LAMA4: variants seen among roughly 807,000 people sequenced by gnomAD.
LAMA4 encodes laminin subunit alpha 4, also known as laminin subunit alpha-4.
Under a neutral mutation model 207.1 loss-of-function variants are expected in LAMA4, and 127 were observed. That is an observed-to-expected ratio of 0.61 (90% CI 0.53 to 0.71). The LOEUF (loss-of-function observed/expected upper bound fraction) is 0.71, where lower values mean the gene tolerates loss of function less well. Ranked by LOEUF, LAMA4 falls within the 30% of genes least tolerant of loss-of-function variation. The probability of loss-of-function intolerance (pLI) is 0.00; values close to 1 mark genes in which losing one functional copy is unlikely to be tolerated. For missense variants in LAMA4, 2,093 were observed against 2,246.5 expected (o/e 0.93, Z 1.38); for synonymous variants, 761 against 816.0 (o/e 0.93, Z 1.15).
rs782688673 is a variant in LAMA4 at position 112,148,348 on chromosome 6, G to C, written c.2174-12C>G. The C allele has an allele frequency of 1.9e-6, 3 of 1,613,874 alleles. No individual in the cohort carries two copies. The South Asian group carries it at 3.3e-5, about 18-fold the overall frequency. On this transcript the variant is annotated splice_polypyrimidine_tract_variant and intron_variant, in intron 17 of 38. Coordinates refer to ENST00000230538, the MANE Select transcript of LAMA4 (RefSeq NM_001105206.3). ...CTGCTGGGCATCCCCTTTACACAGA[G>C]CACAGGGTCATTCACTTTGCAGAGA...
chr6:112,250,374 A>G (rs1009510733), intron 2 of LAMA4, among the ~76,000 whole-genome samples: 1 of 152,250 alleles, frequency 6.6e-6, no homozygotes, highest in Admixed American at 6.5e-5. Flanking sequence ...AAAAAAGTCA[A>G]GAGGAAAAGT....
chr6:112,253,778 CA>C, intron 2 of LAMA4, 177 bp downstream of exon 2: 1 of 1,614,154 alleles, frequency 6.2e-7, no homozygotes, highest in Non-Finnish European at 8.5e-7. Context: ...TCTCAACATC[CA>C]AATGCAACTT....
intron 13 of LAMA4, chr6:112,159,284 C>A (rs1300948996): frequency 4.2e-5 from 9 of 215,380 alleles, no homozygotes; most frequent in African/African-American, 1.9e-4. Flanking sequence ...CTATTTTGAC[C>A]TAGTCCTGTC....
Position 112,253,917 on chromosome 6 carries a change from A to T in LAMA4, c.195+39T>A, listed in dbSNP as rs1347178161. 5.6e-6 allele frequency: 9 copies of T among 1,612,110 alleles called. No individual in the cohort carries two copies. Among genetic ancestry groups the T allele is most frequent in the African/African-American group, 1.3e-5 (1 of 74,894 alleles). On this transcript the variant is annotated intron_variant, in intron 2 of 38. Coordinates refer to ENST00000230538, the MANE Select transcript of LAMA4 (RefSeq NM_001105206.3). Reference sequence around the variant, plus strand: ...AGTGTGGCACAGCCCGCGGGGGCGCAGGTGCCCCAGCAGGGTGGCAATGGC... The same window carrying T: ...AGTGTGGCACAGCCCGCGGGGGCGCTGGTGCCCCAGCAGGGTGGCAATGGC...
At chr6:112,166,246 A>G (rs1407199017) in intron 12 of LAMA4, 1 of 152,182 alleles carries the variant, frequency 6.6e-6, no homozygotes, top group Non-Finnish European at 1.5e-5. Context: ...TCTTCTCCAG[A>G]TATGTTGTTA....
intron 2 of LAMA4, chr6:112,253,368 G>T: frequency 1.1e-5 from 3 of 262,830 alleles, no homozygotes; most frequent in Non-Finnish European, 2.2e-5. Context: ...ATATCCTGAG[G>T]CTTGATTTTA....
chr6:112,209,696 T>A (rs1351716799), intron 3 of LAMA4, among the ~76,000 whole-genome samples: 1 of 152,222 alleles, frequency 6.6e-6, no homozygotes, highest in African/African-American at 2.4e-5. Flanking sequence ...AGGTTTCTTC[T>A]AGCTCTGATA....
chr6:112,164,375 C>T (rs117665809), intron 13 of LAMA4, among the ~76,000 whole-genome samples: 2 of 151,962 alleles, frequency 1.3e-5, no homozygotes, highest in Non-Finnish European at 2.9e-5. Context: ...GTGCTTGAAA[C>T]TAGGGTTTGG....
At chr6:112,124,842 T>G (rs587623873) in intron 31 of LAMA4, among the ~76,000 whole-genome samples, 1 of 151,924 alleles carries the variant, frequency 6.6e-6, no homozygotes, top group South Asian at 2.1e-4. Flanking sequence ...CTGCAAACTC[T>G]GCCTTCCAGG....
At chr6:112,141,300 G>A (rs782561750) in intron 21 of LAMA4, 58 bp downstream of exon 21, 72 of 1,506,722 alleles carry the variant, frequency 4.8e-5, no homozygotes, top group Middle Eastern at 1.7e-4. Context: ...ACATGTGCAC[G>A]TTCAACAGGT....
intron 3 of LAMA4, chr6:112,213,730 C>T (rs1375178987): frequency 3.4e-6 from 1 of 290,912 alleles, no homozygotes; most frequent in Non-Finnish European, 6.3e-6. Flanking sequence ...TAAAATCAGT[C>T]TGTAAATTTT....
chr6:112,235,169 C>T (rs1785827714), intron 2 of LAMA4, among the ~76,000 whole-genome samples: 1 of 152,188 alleles, frequency 6.6e-6, no homozygotes, highest in African/African-American at 2.4e-5. Context: ...GGGGCTGCCC[C>T]AAACCCCTGA....
chr6:112,115,205 A>G (rs1031235935), intron 36 of LAMA4, among the ~76,000 whole-genome samples: 9 of 152,184 alleles, frequency 5.9e-5, no homozygotes. Context: ...TAATCTAGGT[A>G]AAGCTTAGAA....
At chr6:112,229,465 T>C (rs181932379) in intron 2 of LAMA4, among the ~76,000 whole-genome samples, 1 of 152,378 alleles carries the variant, frequency 6.6e-6, no homozygotes, top group East Asian at 1.9e-4. Flanking sequence ...CTCTTTGAAG[T>C]CATCTCTTGC....
At chr6:112,178,317 G>A (rs1270942977) in intron 9 of LAMA4, 85 bp from the exon 10 acceptor site, 9 of 914,996 alleles carry the variant, frequency 9.8e-6, no homozygotes, top group South Asian at 1.4e-5. Flanking sequence ...TGGGCATAAT[G>A]TATTTCCTAA....
chr6:112,154,654 GCA>G, intron 16 of LAMA4, 195 bp downstream of exon 16: 2 of 539,024 alleles, frequency 3.7e-6, no homozygotes, highest in Non-Finnish European at 6.5e-6. Flanking sequence ...TTACTACATA[GCA>G]TTTTTTTTTT....
At chr6:112,252,372 T>A (rs145171646) in intron 2 of LAMA4, among the ~76,000 whole-genome samples, 248 of 152,348 alleles carry the variant, frequency 1.6e-3, no homozygotes, top group African/African-American at 5.7e-3. Context: ...CCTAGGGTCT[T>A]AGCATTAATT....
chr6:112,111,421 T>G (rs1554321557), intron 38 of LAMA4, among the ~76,000 whole-genome samples: 1 of 152,236 alleles, frequency 6.6e-6, no homozygotes, highest in Non-Finnish European at 1.5e-5. Flanking sequence ...TGTGTAGTTC[T>G]AGGAATTTTA....
chr6:112,142,075 T>C, intron 20 of LAMA4, 44 bp downstream of exon 20: 1 of 1,608,116 alleles, frequency 6.2e-7, no homozygotes, highest in African/African-American at 1.3e-5. Context: ...AAAAGCAGCT[T>C]TCCTTGTAAA....
Sources: allele counts gnomAD v4.1 joint callset (sites outside exome capture counted in the v4.1 genomes callset), GRCh38; gene constraint gnomAD v4.1.1; transcripts MANE v1.5; gene names NCBI Gene and HGNC (gene_info 2026-07-23, HGNC 2026-07-21).